ARHGAP12: variants seen among roughly 807,000 people sequenced by gnomAD.
ARHGAP12 encodes rho GTPase-activating protein 12.
Under a neutral mutation model 108.6 loss-of-function variants are expected in ARHGAP12, and 64 were observed. The ratio of observed to expected loss-of-function variants is 0.59; its 90% CI spans 0.48 to 0.73. ARHGAP12 has a LOEUF of 0.73. ARHGAP12 is among the 30% of genes least tolerant of loss of function. ARHGAP12 has a pLI of 0.00. For missense variants in ARHGAP12, 940 were observed against 1,005.9 expected (o/e 0.93, Z 0.89); for synonymous variants, 312 against 337.2 (o/e 0.93, Z 0.82).
intron 3 of ARHGAP12, among the ~76,000 whole-genome samples, chr10:31,896,407 T>C (rs1838697657): frequency 6.6e-6 from 1 of 152,014 alleles, no homozygotes; most frequent in Non-Finnish European, 1.5e-5. Context: ...AATAATATGA[T>C]TCTAAGCTTT....
intron 3 of ARHGAP12, among the ~76,000 whole-genome samples, chr10:31,867,056 T>C (rs1016065136): frequency 2.6e-5 from 4 of 152,104 alleles, no homozygotes; most frequent in South Asian, 2.1e-4. Context: ...ATTAGGTTTA[T>C]TGACAATGAA....
At chr10:31,907,253 T>C (rs1190813734) in intron 3 of ARHGAP12, among the ~76,000 whole-genome samples, 1 of 152,020 alleles carries the variant, frequency 6.6e-6, no homozygotes, top group Non-Finnish European at 1.5e-5. Context: ...AGTTTCAATT[T>C]CACGTATGTA....
chr10:31,919,307 T>C (rs1012952435), intron 1 of ARHGAP12, among the ~76,000 whole-genome samples: 1 of 152,196 alleles, frequency 6.6e-6, no homozygotes, highest in Non-Finnish European at 1.5e-5. Flanking sequence ...AGGGTGGTGA[T>C]GGCTGGACAA....
intron 3 of ARHGAP12, among the ~76,000 whole-genome samples, chr10:31,868,162 C>T (rs1174043339): frequency 1.3e-5 from 2 of 151,478 alleles, no homozygotes; most frequent in Admixed American, 6.6e-5. Flanking sequence ...GGCGCCAGTG[C>T]ACTCCAGCCT....
intron 9 of ARHGAP12, among the ~76,000 whole-genome samples, chr10:31,835,610 A>G (rs1835987816): frequency 6.6e-6 from 1 of 152,242 alleles, no homozygotes; most frequent in Non-Finnish European, 1.5e-5. Context: ...TCTTTTAGTA[A>G]AGTAGGTACT....
At chr10:31,849,783 T>C (rs1467412958) in intron 6 of ARHGAP12, among the ~76,000 whole-genome samples, 2 of 152,226 alleles carry the variant, frequency 1.3e-5, no homozygotes, top group Admixed American at 6.5e-5. Flanking sequence ...GATTCAACGC[T>C]GGTCACAATC....
At chr10:31,892,790 C>T (rs1464277474) in intron 3 of ARHGAP12, among the ~76,000 whole-genome samples, 4 of 152,248 alleles carry the variant, frequency 2.6e-5, no homozygotes, top group African/African-American at 9.6e-5. Flanking sequence ...CCCAAATCAA[C>T]AGAATATACA....
intron 3 of ARHGAP12, among the ~76,000 whole-genome samples, chr10:31,892,205 A>G (rs768614961): frequency 1.8e-4 from 27 of 152,176 alleles, no homozygotes; most frequent in Non-Finnish European, 3.2e-4. Context: ...GCATCAACTA[A>G]CGAGCAAAAT....
chr10:31,845,616 C>T (rs753675020), intron 6 of ARHGAP12, among the ~76,000 whole-genome samples: 20 of 152,012 alleles, frequency 1.3e-4, no homozygotes, highest in Non-Finnish European at 2.8e-4. Context: ...AAAAGCCTGT[C>T]TCTACTAAAA....
At chr10:31,875,019 C>T (rs1837678828) in intron 3 of ARHGAP12, among the ~76,000 whole-genome samples, 1 of 141,088 alleles carries the variant, frequency 7.1e-6, no homozygotes, top group Admixed American at 7.3e-5. Flanking sequence ...CACACATACT[C>T]ATGTATCTGC....
chr10:31,839,799 A>G, intron 7 of ARHGAP12, 88 bp from the exon 8 acceptor site: 1 of 1,032,216 alleles, frequency 9.7e-7, no homozygotes, highest in Non-Finnish European at 1.3e-6. Context: ...TTAGTAAGAG[A>G]GAATAACAAA....
At chr10:31,915,386 CAA>C (rs1387712452) in intron 1 of ARHGAP12, among the ~76,000 whole-genome samples, 18 of 98,822 alleles carry the variant, frequency 1.8e-4, no homozygotes, top group Admixed American at 5.6e-4. Flanking sequence ...AACTCTGTCT[CAA>C]AAAAAAAAAA....
intron 5 of ARHGAP12, among the ~76,000 whole-genome samples, chr10:31,853,107 C>G (rs1836761161): frequency 6.6e-6 from 1 of 152,188 alleles, no homozygotes. Context: ...CATTATTAAA[C>G]ATGGCTTTAT....
intron 3 of ARHGAP12, among the ~76,000 whole-genome samples, chr10:31,882,001 G>A (rs1424327395): frequency 5.5e-4 from 81 of 147,222 alleles, no homozygotes; most frequent in African/African-American, 1.9e-3. Context: ...TGCAAGCTCC[G>A]CCTCCCGGGT....
In ARHGAP12 at chr10:31,810,663, T is replaced by C. The variant is rs1269417962; in HGVS notation, c.2036A>G (p.His679Arg). ...VPKFVKLCIE[H>R]VEEHGLDIDG... ...CCTTCTCTTACCATGTTCTTCAACA[T>C]GTTCAATACATAACTTCACAAACTT... is the stretch of plus-strand genomic sequence containing the variant. The change falls in exon 16 of 20, where the codon CAT becomes CGT. Residue 679 changes from histidine (H) to arginine (R), a missense_variant. Physicochemically the swap from His to Arg is conservative, Grantham distance 29. Coordinates refer to ENST00000344936, the MANE Select transcript of ARHGAP12 (RefSeq NM_018287.7). 4 of 1,583,876 alleles carry C rather than the reference T, an allele frequency of 2.5e-6. No individual in the cohort carries two copies. Among genetic ancestry groups the C allele is most frequent in the South Asian group, 1.2e-5 (1 of 84,494 alleles).
In ARHGAP12 at chr10:31,838,456, C is replaced by T. The variant is rs190467368; in HGVS notation, c.1386+849G>A. 1.1e-4 allele frequency among the ~76,000 whole-genome samples: 17 copies of T among 152,030 alleles called. No homozygotes were observed. In the East Asian group the frequency reaches 3.3e-3, roughly 29 times the overall value. ...CAGCACTTTGGGAGGCCAAGGCAGG[C>T]ATATCACTTGAGGCCACAAGTTCAA... On this transcript the variant is annotated intron_variant, in intron 9 of 19. Coordinates refer to ENST00000344936, the MANE Select transcript of ARHGAP12 (RefSeq NM_018287.7).
chr10:31,859,939 T>G (rs1837053823), intron 4 of ARHGAP12, among the ~76,000 whole-genome samples: 1 of 151,798 alleles, frequency 6.6e-6, no homozygotes, highest in South Asian at 2.1e-4. Flanking sequence ...GGATTACAGG[T>G]GCCCGCCACC....
intron 1 of ARHGAP12, among the ~76,000 whole-genome samples, chr10:31,925,673 G>A (rs1205529948): frequency 6.6e-6 from 1 of 152,136 alleles, no homozygotes; most frequent in African/African-American, 2.4e-5. Context: ...GGTATGAGGT[G>A]GGGCCCTAAA....
Position 31,831,654 on chromosome 10 carries a change from T to C in ARHGAP12, c.1448+85A>G, listed in dbSNP as rs73253334. ...ATGGTGAGAGATTCTTCAGCACCTA[T>C]TGTTTATACTAAAATAATTATATTG... On this transcript the variant is annotated intron_variant, in intron 10 of 19. Transcript: ENST00000344936. 11,489 of 840,788 alleles carry C rather than the reference T, an allele frequency of 0.014. 932 individuals carry two copies. In the African/African-American group the frequency reaches 0.17, roughly 13 times the overall value. 52.1% of individuals were successfully genotyped at this position (840,788 alleles called of 1,614,324 possible).
Sources: allele counts gnomAD v4.1 joint callset (sites outside exome capture counted in the v4.1 genomes callset), GRCh38; gene constraint gnomAD v4.1.1; transcripts MANE v1.5; gene names NCBI Gene and HGNC (gene_info 2026-07-23, HGNC 2026-07-21).